Variants in EXO1 observed in about 807,000 individuals in gnomAD.
EXO1 encodes exonuclease 1.
Under a neutral mutation model 84.5 loss-of-function variants are expected in EXO1, and 69 were observed. That is an observed-to-expected ratio of 0.82 (90% confidence interval 0.67 to 1.00). EXO1 has a LOEUF of 1.00. Among genes scored for constraint, EXO1 ranks in the 50% least tolerant of loss-of-function variants. EXO1 has a pLI of 0.00. For missense variants in EXO1, 1,045 were observed against 1,000.7 expected (o/e 1.04, Z -0.60); for synonymous variants, 373 against 366.1 (o/e 1.02, Z -0.21).
intron 4 of EXO1, among the ~76,000 whole-genome samples, 169 bp from the exon 5 acceptor site, chr1:241,852,123 T>G (rs1227527949): frequency 6.6e-6 from 1 of 152,212 alleles, no homozygotes; most frequent in Non-Finnish European, 1.5e-5. Flanking sequence ...AAGGCAGGAT[T>G]TGAATCCAAG....
chr1:241,872,904 G>A (rs1481454330), intron 12 of EXO1, among the ~76,000 whole-genome samples: 2 of 152,100 alleles, frequency 1.3e-5, no homozygotes, highest in Non-Finnish European at 2.9e-5. Context: ...GGTATTTCTG[G>A]TTCTAGATCC....
rs4149896 is a variant in EXO1, at chr1:241,857,502, A to G, written c.543+20A>G. On this transcript the variant is annotated intron_variant, in intron 7 of 15. Transcript: ENST00000366548. Reference sequence around the variant, plus strand: ...AAAAAGGTACTCACCTCTGACTACTATATATTACTTTTCTATGTAGATAGT... The same window carrying G: ...AAAAAGGTACTCACCTCTGACTACTGTATATTACTTTTCTATGTAGATAGT... The G allele has an allele frequency of 0.085, 136,759 of 1,604,528 alleles. 7,703 individuals are homozygous for G. Among genetic ancestry groups the G allele is most frequent in the Admixed American group, 0.27 (16,147 of 59,898 alleles).
intron 8 of EXO1, 46 bp from the exon 9 acceptor site, chr1:241,860,471 C>T: frequency 7.3e-7 from 1 of 1,364,520 alleles, no homozygotes; most frequent in East Asian, 2.3e-5. Context: ...ATAATATGTT[C>T]CCTGTTCTTT....
At chr1:241,882,056 C>T (rs753738962) in intron 14 of EXO1, 39 bp downstream of exon 14, 14 of 969,492 alleles carry the variant, frequency 1.4e-5, no homozygotes, top group Admixed American at 8.9e-5. Flanking sequence ...ATTTCAGAAG[C>T]GGTGTATGCT....
chr1:241,878,879 A>G lies in EXO1; in HGVS notation c.1645A>G (p.Arg549Gly). The change falls in exon 13 of 16, where the codon AGA becomes GGA. Residue 549 changes from arginine (R) to glycine (G), a missense_variant. Physicochemically the swap from Arg to Gly is moderately radical, Grantham distance 125. Coordinates refer to ENST00000366548, the MANE Select transcript of EXO1 (RefSeq NM_130398.4). ...ESEYGDQEGK[R>G]LVDTDVARNS... ...AGAGTATGGAGACCAAGAAGGCAAG[A>G]GACTGGTTGACACAGATGTAGCACG... 3 of 1,614,184 alleles carry G rather than the reference A, an allele frequency of 1.9e-6. No individual in the cohort carries two copies. Among genetic ancestry groups the G allele is most frequent in the Non-Finnish European group, 2.5e-6 (3 of 1,180,000 alleles).
At position 241,879,166 on chromosome 1, in the gene EXO1, T is replaced by A. The variant is rs1298386596; in HGVS notation, c.1932T>A (p.Pro644=). 1 of 1,607,718 alleles carries A rather than the reference T, an allele frequency of 6.2e-7. No homozygotes were observed. The highest frequency in any genetic ancestry group is 8.5e-7 in the Non-Finnish European group (1 of 1,174,502). The change falls in exon 13 of 16, where the codon CCT becomes CCA. Residue 644 remains proline (P), a synonymous_variant. Coordinates refer to ENST00000366548, the MANE Select transcript of EXO1 (RefSeq NM_130398.4). ...RRKSDSPTSL[P]ENNMSDVSQL... is the part of the protein sequence containing the mutation. ...AGAGCGATTCCCCCACCTCTTTGCC[T>A]GAGAATAATATGTCTGATGTGTCGC...
chr1:241,879,352 A>C lies in EXO1; in HGVS notation c.2109+9A>C, dbSNP rs746113983. ...AGGACTCTGATTCAGAGGTAAGTCA[A>C]ATCCTGAAGGCTTTGTTTTCAAATT... On this transcript the variant is annotated intron_variant, in intron 13 of 15. Coordinates refer to ENST00000366548, the MANE Select transcript of EXO1 (RefSeq NM_130398.4). 3.8e-5 allele frequency: 58 copies of C among 1,510,362 alleles called. No individual in the cohort carries two copies. Among genetic ancestry groups the C allele is most frequent in the Non-Finnish European group, 5.3e-5 (58 of 1,089,252 alleles). The allele number at this position is 1,510,362 out of a possible 1,614,324, so 93.6% of individuals were successfully genotyped here. A position where few individuals can be genotyped will look rare whatever the true frequency, so the allele number is the denominator to read the frequency against.
intron 10 of EXO1, among the ~76,000 whole-genome samples, chr1:241,863,282 C>G (rs1249398004): frequency 6.6e-6 from 1 of 152,040 alleles, no homozygotes; most frequent in South Asian, 2.1e-4. Context: ...TTCCAGCTGA[C>G]CATTTTCGTA....
chr1:241,857,087 T>TGA (rs1430114634), intron 6 of EXO1, among the ~76,000 whole-genome samples: 2 of 152,220 alleles, frequency 1.3e-5, no homozygotes, highest in Admixed American at 1.3e-4. Flanking sequence ...AGGATTCTTT[T>TGA]TTCCTCTGGC....
At chr1:241,875,146 G>A (rs2148493522) in intron 12 of EXO1, among the ~76,000 whole-genome samples, 1 of 152,280 alleles carries the variant, frequency 6.6e-6, no homozygotes, top group South Asian at 2.1e-4. Flanking sequence ...TGGGACTACA[G>A]GCACCCGCCA....
At chr1:241,856,690 A>G (rs867534836) in intron 6 of EXO1, among the ~76,000 whole-genome samples, 1 of 152,298 alleles carries the variant, frequency 6.6e-6, no homozygotes, top group Middle Eastern at 3.4e-3. Context: ...AAACAAATGT[A>G]TATTTTCGGA....
At chr1:241,880,395 T>C (rs1662686129) in intron 13 of EXO1, among the ~76,000 whole-genome samples, 2 of 152,210 alleles carry the variant, frequency 1.3e-5, no homozygotes. Flanking sequence ...TCTTACTATT[T>C]CATTTACTTT....
intron 10 of EXO1, among the ~76,000 whole-genome samples, chr1:241,864,275 A>G (rs1483396836): frequency 1.3e-5 from 2 of 152,248 alleles, no homozygotes; most frequent in African/African-American, 4.8e-5. Context: ...TTTTCCAAAA[A>G]GAGATGTCTG....
In EXO1 at chr1:241,879,218, G is replaced by A. The variant is rs751959288; in HGVS notation, c.1984G>A (p.Asp662Asn). 79 of 1,601,212 alleles carry A rather than the reference G, an allele frequency of 4.9e-5. No homozygotes were observed. Among genetic ancestry groups the A allele is most frequent in the Admixed American group, 8.5e-5 (5 of 59,136 alleles). The change falls in exon 13 of 16, where the codon GAT (aspartate) becomes AAT (asparagine). Residue 662 changes from aspartate to asparagine, a missense_variant. Transcript: ENST00000366548. Reference protein sequence around the residue: ...SQLKSEESSDDESHPLREEAC... With the variant: ...SQLKSEESSDNESHPLREEAC... The stretch of plus-strand genomic sequence containing the variant: ...GTTAAAGAGCGAGGAGTCCAGTGAC[G>A]ATGAGTCTCATCCCTTACGAGAAGA...
chr1:241,857,479 A>G lies in EXO1; in HGVS notation c.540A>G (p.Lys180=). 1 of 1,613,356 alleles carries G rather than the reference A, an allele frequency of 6.2e-7. No individual in the cohort carries two copies. The highest frequency in any genetic ancestry group is 1.1e-5 in the South Asian group (1 of 91,054). The change falls in exon 7 of 16, where the codon AAA becomes AAG. Residue 180 remains lysine (K), a synonymous_variant. Transcript: ENST00000366548. ...CGGATCTCCTAGCTTTTGGCTGTAA[A>G]AAGGTACTCACCTCTGACTACTATA... The part of the protein sequence containing the change: ...EDSDLLAFGC[K]KVILKMDQFG...
At chr1:241,865,654 CAG>C (rs10609194) in intron 10 of EXO1, among the ~76,000 whole-genome samples, 68,403 of 151,900 alleles carry the variant, frequency 0.45, 15,615 homozygotes, top group East Asian at 0.7. Flanking sequence ...AAATTCCTGT[CAG>C]AATTTTGTCC....
chr1:241,852,584 T>C (rs114303747), intron 5 of EXO1, among the ~76,000 whole-genome samples, 173 bp downstream of exon 5: 28 of 152,262 alleles, frequency 1.8e-4, no homozygotes, highest in African/African-American at 6.5e-4. Context: ...GTTCAGCACC[T>C]TAGTACCCTA....
intron 12 of EXO1, among the ~76,000 whole-genome samples, chr1:241,873,002 C>G (rs545375683): frequency 8.3e-4 from 126 of 152,264 alleles, no homozygotes; most frequent in African/African-American, 2.6e-3. Flanking sequence ...TTCTCCACAT[C>G]CTCTCCAGCA....
intron 14 of EXO1, among the ~76,000 whole-genome samples, chr1:241,884,443 C>T (rs1452001935): frequency 1.3e-5 from 2 of 152,098 alleles, no homozygotes; most frequent in Admixed American, 6.6e-5. Flanking sequence ...TAAAAATCAA[C>T]CCTTAGTAGA....
Sources: allele counts gnomAD v4.1 joint callset (sites outside exome capture counted in the v4.1 genomes callset), GRCh38; gene constraint gnomAD v4.1.1; transcripts MANE v1.5; gene names NCBI Gene and HGNC (gene_info 2026-07-23, HGNC 2026-07-21).